Variants in PKP2 observed in about 807,000 individuals in gnomAD.
The protein encoded by PKP2 is plakophilin-2.
PKP2 carries 73 observed loss-of-function variants against 83.4 expected under a neutral mutation model. The ratio of observed to expected loss-of-function variants is 0.88; its 90% CI spans 0.72 to 1.06. The LOEUF is 1.06. Ranked by LOEUF, PKP2 falls within the 50% of genes least tolerant of loss-of-function variation. The pLI, the probability that PKP2 is intolerant of heterozygous loss-of-function variation, is 0.00. For synonymous variants in PKP2, 409 were observed against 430.4 expected, an observed-to-expected ratio of 0.95 and a Z score of 0.62; for missense variants, 966 against 1,065.4, an observed-to-expected ratio of 0.91 and a Z score of 1.30.
chr12:32,808,506 C>A (rs1956245951), intron 9 of PKP2, among the ~76,000 whole-genome samples: 1 of 152,172 alleles, frequency 6.6e-6, no homozygotes, highest in Non-Finnish European at 1.5e-5. Context: ...TTATTTCCCA[C>A]CTTCTGAAGC....
chr12:32,846,542 C>T (rs563319063), intron 5 of PKP2, among the ~76,000 whole-genome samples: 3 of 152,058 alleles, frequency 2.0e-5, no homozygotes, highest in Admixed American at 2.0e-4. Flanking sequence ...GTCGGGAGTT[C>T]GAGACCAGCC....
chr12:32,796,557 A>AT (rs1246898690), intron 10 of PKP2, among the ~76,000 whole-genome samples: 1 of 151,228 alleles, frequency 6.6e-6, no homozygotes, highest in Non-Finnish European at 1.5e-5. Flanking sequence ...TAATTTTTTT[A>AT]TTTTTTTATT....
chr12:32,839,849 C>T (rs984187519), intron 6 of PKP2, among the ~76,000 whole-genome samples: 1 of 152,140 alleles, frequency 6.6e-6, no homozygotes, highest in Non-Finnish European at 1.5e-5. Flanking sequence ...AAGATGGATT[C>T]GAGGAAGGCC....
chr12:32,822,435 T>C (rs770748060), intron 8 of PKP2, 32 bp downstream of exon 8: 2 of 1,584,226 alleles, frequency 1.3e-6, no homozygotes, highest in Non-Finnish European at 1.7e-6. Context: ...ATTCTCTCCC[T>C]TTCTCATTCT....
At chr12:32,809,791 G>A (rs1179905975) in intron 9 of PKP2, among the ~76,000 whole-genome samples, 11 of 152,198 alleles carry the variant, frequency 7.2e-5, no homozygotes, top group South Asian at 4.1e-4. Flanking sequence ...TCGCACAATC[G>A]GTCACCGCTT....
intron 10 of PKP2, 123 bp downstream of exon 10, chr12:32,802,280 A>G: frequency 1.0e-6 from 1 of 990,632 alleles, no homozygotes; most frequent in Non-Finnish European, 1.6e-6. Context: ...AGGCCGGTTT[A>G]TCACCTACTC....
chr12:32,891,286 T>C lies in PKP2; in HGVS notation c.223+5223A>G, dbSNP rs556935238. Among the ~76,000 whole-genome samples the C allele has an allele frequency of 8.5e-5, 13 of 152,318 alleles. 1 individual carries two copies. The highest frequency in any genetic ancestry group is 3.3e-4 in the Admixed American group (5 of 15,302). On this transcript the variant is annotated intron_variant, in intron 1 of 12. Transcript: ENST00000340811. Reference sequence around the variant, plus strand: ...TCTGAGATGGAAATAAATCATCTTATAGGCCATATTAATCATCTGATTTAT... The same window carrying C: ...TCTGAGATGGAAATAAATCATCTTACAGGCCATATTAATCATCTGATTTAT...
In PKP2 at chr12:32,824,126, C is replaced by T. The variant is rs760093803; in HGVS notation, c.1593G>A (p.Ala531=). 10 of 1,613,260 alleles carry T rather than the reference C, an allele frequency of 6.2e-6. No individual in the cohort carries two copies. Among genetic ancestry groups the T allele is most frequent in the African/African-American group, 2.7e-5 (2 of 74,894 alleles). Residue 531 remains alanine (A), a synonymous_variant, in exon 7 of 13, where the codon GCG becomes GCA. Coordinates refer to ENST00000340811, the MANE Select transcript of PKP2 (RefSeq NM_001005242.3). The part of the protein sequence containing the change: ...MSSAGADGRK[A]MRRCDGLIDS... ...CAATGAGTCCGTCACATCTTCTCAT[C>T]GCTTTTCTCCCATCAGCGCCAGCAG...
intron 4 of PKP2, among the ~76,000 whole-genome samples, chr12:32,864,698 CT>C (rs1409631760): frequency 4.6e-5 from 7 of 152,092 alleles, no homozygotes; most frequent in African/African-American, 1.7e-4. Context: ...TCAAATGGAA[CT>C]GCTGAAGTTG....
intron 9 of PKP2, among the ~76,000 whole-genome samples, chr12:32,805,363 C>A (rs1956217918): frequency 6.6e-6 from 1 of 152,130 alleles, no homozygotes; most frequent in Non-Finnish European, 1.5e-5. Context: ...GTGTTTTTGT[C>A]ATGAAATCTT....
At position 32,796,304 on chromosome 12, in the gene PKP2, A is replaced by G. The variant is rs368531764; in HGVS notation, c.2168-6T>C. On this transcript the variant is annotated splice_region_variant and splice_polypyrimidine_tract_variant and intron_variant, in intron 10 of 12. Transcript: ENST00000340811. Reference sequence around the variant, plus strand: ...ATCAGGGAGAGTTTCTTTGGCTACAAAATGAAAAAAAAAACAAAACACTTG... The same window carrying G: ...ATCAGGGAGAGTTTCTTTGGCTACAGAATGAAAAAAAAAACAAAACACTTG... 141 of 1,599,594 alleles carry G rather than the reference A, an allele frequency of 8.8e-5. 1 individual carries two copies. The African/African-American group carries it at 1.7e-3, about 19-fold the overall frequency.
At chr12:32,895,888 C>T (rs1372323104) in intron 1 of PKP2, among the ~76,000 whole-genome samples, 1 of 152,244 alleles carries the variant, frequency 6.6e-6, no homozygotes, top group East Asian at 1.9e-4. Flanking sequence ...CCCCTACCTC[C>T]TCCTCGGCGT....
At chr12:32,890,462 G>A (rs1055172114) in intron 1 of PKP2, among the ~76,000 whole-genome samples, 2 of 152,176 alleles carry the variant, frequency 1.3e-5, no homozygotes, top group African/African-American at 4.8e-5. Flanking sequence ...GTCTAAAGCT[G>A]ATTATTCCAA....
intron 9 of PKP2, among the ~76,000 whole-genome samples, chr12:32,803,023 T>A (rs986479693): frequency 6.6e-6 from 1 of 152,154 alleles, no homozygotes; most frequent in Non-Finnish European, 1.5e-5. Flanking sequence ...TAAACTCTTA[T>A]TAAGTTTTCA....
At chr12:32,844,222 G>T (rs1052248225) in intron 5 of PKP2, among the ~76,000 whole-genome samples, 3 of 152,158 alleles carry the variant, frequency 2.0e-5, no homozygotes, top group Non-Finnish European at 4.4e-5. Flanking sequence ...TTTCTGGGTG[G>T]CATGAAAGCT....
At chr12:32,813,651 G>A (rs2137753278) in intron 9 of PKP2, among the ~76,000 whole-genome samples, 1 of 151,930 alleles carries the variant, frequency 6.6e-6, no homozygotes, top group Middle Eastern at 3.4e-3. Flanking sequence ...GTTGTGGTAT[G>A]TGCCTGTGGT....
At chr12:32,826,594 T>C (rs1454539810) in intron 6 of PKP2, among the ~76,000 whole-genome samples, 1 of 152,202 alleles carries the variant, frequency 6.6e-6, no homozygotes, top group African/African-American at 2.4e-5. Flanking sequence ...TACTTCCTTA[T>C]TAATTTTTAC....
At chr12:32,800,982 C>A (rs1453291582) in intron 10 of PKP2, among the ~76,000 whole-genome samples, 1 of 152,212 alleles carries the variant, frequency 6.6e-6, no homozygotes, top group Non-Finnish European at 1.5e-5. Flanking sequence ...AAACACAAAG[C>A]ATGTGTTCAA....
chr12:32,799,047 G>A (rs76600941), intron 10 of PKP2, among the ~76,000 whole-genome samples: 8,090 of 152,086 alleles, frequency 0.053, 717 homozygotes, highest in African/African-American at 0.18. Flanking sequence ...GAATCTACAA[G>A]GATCTCAAAA....
Sources: gnomAD v4.1 joint callset for allele counts (sites outside exome capture counted in the v4.1 genomes callset) on GRCh38, gnomAD v4.1.1 for gene constraint, MANE v1.5 for transcripts, NCBI Gene and HGNC (gene_info 2026-07-23, HGNC 2026-07-21) for gene names.